The following DENND4A variants were observed in gnomAD, a reference collection of about 807,000 sequenced individuals.
The protein encoded by DENND4A is C-myc promoter-binding protein.
DENND4A carries 70 observed loss-of-function variants against 199.3 expected under a neutral mutation model. That is an observed-to-expected ratio of 0.35 (90% CI 0.29 to 0.43). DENND4A has a LOEUF of 0.43. DENND4A is among the 20% of genes least tolerant of loss of function. The pLI, the probability that DENND4A is intolerant of heterozygous loss-of-function variation, is 1.00. For synonymous variants in DENND4A, 686 were observed against 766.9 expected (o/e 0.89, Z 1.74); for missense variants, 1,723 against 2,255.8 (o/e 0.76, Z 4.78).
intron 9 of DENND4A, 50 bp from the exon 10 acceptor site, chr15:65,729,728 C>T: frequency 6.7e-7 from 1 of 1,491,342 alleles, no homozygotes; most frequent in Non-Finnish European, 9.0e-7. Context: ...ATCCAAACAC[C>T]TCATTATCTA....
chr15:65,747,716 T>C (rs1399484267), intron 4 of DENND4A, among the ~76,000 whole-genome samples: 1 of 152,052 alleles, frequency 6.6e-6, no homozygotes, highest in East Asian at 1.9e-4. Flanking sequence ...GTATCTCATG[T>C]TGCTATATTA....
chr15:65,703,062 T>G (rs1191226108), intron 15 of DENND4A, 54 bp from the exon 16 acceptor site: 1 of 1,527,942 alleles, frequency 6.5e-7, no homozygotes, highest in African/African-American at 1.4e-5. Context: ...CACACATAGA[T>G]GATCATAGTG....
chr15:65,668,751 G>C (rs540949578), intron 27 of DENND4A, among the ~76,000 whole-genome samples: 6 of 151,918 alleles, frequency 3.9e-5, no homozygotes, highest in Admixed American at 3.3e-4. Context: ...AACCTGGGAG[G>C]CAAAGATTGC....
intron 1 of DENND4A, chr15:65,771,435 T>C: frequency 6.3e-7 from 1 of 1,596,732 alleles, no homozygotes; most frequent in Non-Finnish European, 8.6e-7. Flanking sequence ...CCACCCAAGT[T>C]TTCTGTCTGC....
At chr15:65,729,777 T>C in intron 9 of DENND4A, 99 bp from the exon 10 acceptor site, 1 of 1,098,106 alleles carries the variant, frequency 9.1e-7, no homozygotes, top group Non-Finnish European at 1.3e-6. Flanking sequence ...GTAGGATTTG[T>C]ATTATATATG....
At chr15:65,679,367 C>T (rs1311606462) in intron 23 of DENND4A, among the ~76,000 whole-genome samples, 2 of 152,104 alleles carry the variant, frequency 1.3e-5, no homozygotes, top group Non-Finnish European at 2.9e-5. Flanking sequence ...TCCCAAAGTG[C>T]TGGGATTACA....
At chr15:65,790,582 CAT>C (rs2077688874) in intron 1 of DENND4A, among the ~76,000 whole-genome samples, 2 of 152,112 alleles carry the variant, frequency 1.3e-5, no homozygotes, top group South Asian at 4.1e-4. Context: ...ATGATGATAA[CAT>C]ATGCTGTTCT....
chr15:65,750,334 G>T lies in DENND4A; in HGVS notation c.561+2045C>A, dbSNP rs1304409839. ...ACAAAAGACGCTGGGGACTACTAGA[G>T]GGGGAAGACAGGGAGGAAAGCAACG... On this transcript the variant is annotated intron_variant, in intron 4 of 32. Coordinates refer to ENST00000443035, the MANE Select transcript of DENND4A (RefSeq NM_001320835.1). Among the ~76,000 whole-genome samples the T allele has an allele frequency of 2.6e-5, 4 of 152,128 alleles. No individual in the cohort carries two copies. The South Asian group carries it at 8.3e-4, about 32-fold the overall frequency.
intron 3 of DENND4A, among the ~76,000 whole-genome samples, 166 bp downstream of exon 3, chr15:65,755,974 G>C (rs1339072928): frequency 6.6e-6 from 1 of 152,188 alleles, no homozygotes. Context: ...AGGATAAAGA[G>C]AGACAAAAGG....
chr15:65,694,972 T>C (rs780581657), intron 22 of DENND4A, among the ~76,000 whole-genome samples: 3 of 152,120 alleles, frequency 2.0e-5, no homozygotes, highest in African/African-American at 4.8e-5. Flanking sequence ...AGGGCAAGCA[T>C]GAACAGACAG....
chr15:65,660,166 T>C lies in DENND4A; in HGVS notation c.*1685A>G. 1.5e-6 allele frequency: 1 copy of C among 685,432 alleles called. No individual in the cohort carries two copies. The allele number at this position is 685,432 out of a possible 1,614,324, so 42.5% of individuals were successfully genotyped here. On this transcript the variant is annotated 3_prime_UTR_variant, in exon 33 of 33. Coordinates refer to ENST00000443035, the MANE Select transcript of DENND4A (RefSeq NM_001320835.1). ...AGTAAAGAATAATATTGGAGTGGTATTTACAAAGGAGAGGCAGATATATGT... is the reference window on the plus strand; with the variant it reads ...AGTAAAGAATAATATTGGAGTGGTACTTACAAAGGAGAGGCAGATATATGT...
chr15:65,688,135 T>C (rs1293576744), intron 23 of DENND4A, among the ~76,000 whole-genome samples: 1 of 152,208 alleles, frequency 6.6e-6, no homozygotes, highest in Admixed American at 6.5e-5. Flanking sequence ...ATCTTTAAGT[T>C]TACTTTTCAT....
intron 9 of DENND4A, among the ~76,000 whole-genome samples, chr15:65,730,260 C>T (rs1357628256): frequency 1.3e-5 from 2 of 152,012 alleles, no homozygotes; most frequent in Non-Finnish European, 2.9e-5. Context: ...TAAACTTAGG[C>T]CTTCTATATA....
chr15:65,740,388 T>A (rs1172755972), intron 5 of DENND4A, among the ~76,000 whole-genome samples: 6 of 148,718 alleles, frequency 4.0e-5, no homozygotes, highest in African/African-American at 1.5e-4. Flanking sequence ...AGTGGAAGGA[T>A]CACTTGAGCG....
intron 1 of DENND4A, chr15:65,771,155 T>C: frequency 6.4e-7 from 1 of 1,569,228 alleles, no homozygotes; most frequent in Non-Finnish European, 8.6e-7. Context: ...CTAAAAGGTA[T>C]AAATAAAAAT....
At position 65,738,146 on chromosome 15, in the gene DENND4A, T is replaced by G. The variant is rs1355254633; in HGVS notation, c.802-201A>C. 2.0e-5 allele frequency among the ~76,000 whole-genome samples: 3 copies of G among 152,180 alleles called. No homozygotes were observed. In the East Asian group the frequency reaches 5.8e-4, roughly 29 times the overall value. On this transcript the variant is annotated intron_variant, in intron 6 of 32. Coordinates refer to ENST00000443035, the MANE Select transcript of DENND4A (RefSeq NM_001320835.1). ...TGCTATTCTCATGTTACCTTACTAC[T>G]GAAAGAAAAGGTGTTTTGATTAAAT...
intron 23 of DENND4A, among the ~76,000 whole-genome samples, chr15:65,687,842 T>C (rs1321170545): frequency 6.6e-6 from 1 of 152,200 alleles, no homozygotes; most frequent in Non-Finnish European, 1.5e-5. Context: ...CTCTGATTTT[T>C]AGTTTACTTT....
chr15:65,744,742 G>C (rs2076344944), intron 4 of DENND4A, among the ~76,000 whole-genome samples: 1 of 152,132 alleles, frequency 6.6e-6, no homozygotes, highest in Non-Finnish European at 1.5e-5. Flanking sequence ...TCTGAACTTT[G>C]TATCTATTTT....
At chr15:65,727,691 G>C (rs2075842445) in intron 11 of DENND4A, 1 of 181,434 alleles carries the variant, frequency 5.5e-6, no homozygotes, top group African/African-American at 2.4e-5. Flanking sequence ...CAGCTTTTGG[G>C]CTTTATTAGA....
Sources: allele counts gnomAD v4.1 joint callset (sites outside exome capture counted in the v4.1 genomes callset), GRCh38; gene constraint gnomAD v4.1.1; transcripts MANE v1.5; gene names NCBI Gene and HGNC (gene_info 2026-07-23, HGNC 2026-07-21).